Variants in CCDC178 observed in about 807,000 individuals in gnomAD.
CCDC178 encodes the protein coiled-coil domain-containing protein 178.
A neutral mutation model predicts 117.4 loss-of-function variants in CCDC178; 126 were observed. That is an observed-to-expected ratio of 1.07 (90% CI 0.93 to 1.24). The LOEUF is 1.24. Ranked by LOEUF, CCDC178 falls within the 50% of genes most tolerant of loss-of-function variation. The pLI is 0.00. For missense variants in CCDC178, 1,030 were observed against 986.9 expected (o/e 1.04, Z -0.59); for synonymous variants, 283 against 313.4 (o/e 0.90, Z 1.02).
intron 3 of CCDC178, among the ~76,000 whole-genome samples, chr18:33,409,687 T>G (rs929534284): frequency 6.6e-6 from 1 of 152,168 alleles, no homozygotes; most frequent in Non-Finnish European, 1.5e-5. Flanking sequence ...GAAATTTCAA[T>G]GCTTTTCTGG....
At chr18:33,008,178 G>C (rs774817404) in intron 21 of CCDC178, among the ~76,000 whole-genome samples, 9 of 152,088 alleles carry the variant, frequency 5.9e-5, no homozygotes, top group Admixed American at 2.0e-4. Context: ...TTAGTAACAG[G>C]ATTCAAGTTT....
At chr18:33,322,534 C>T (rs547223055) in intron 11 of CCDC178, among the ~76,000 whole-genome samples, 21 of 151,478 alleles carry the variant, frequency 1.4e-4, no homozygotes, top group Non-Finnish European at 2.2e-4. Flanking sequence ...ATTTTTCTCA[C>T]GGAAATACAA....
intron 20 of CCDC178, among the ~76,000 whole-genome samples, chr18:33,166,817 G>C (rs2058536972): frequency 6.6e-6 from 1 of 152,092 alleles, no homozygotes. Context: ...TACATGTGCA[G>C]GTTTGTTATA....
At chr18:33,391,064 T>C (rs571854253) in intron 4 of CCDC178, among the ~76,000 whole-genome samples, 3 of 151,282 alleles carry the variant, frequency 2.0e-5, no homozygotes, top group Non-Finnish European at 4.4e-5. Context: ...AAGATAGTGC[T>C]AATCAAATAG....
At chr18:33,347,721 T>C (rs1207020913) in intron 8 of CCDC178, among the ~76,000 whole-genome samples, 4 of 152,116 alleles carry the variant, frequency 2.6e-5, no homozygotes, top group Non-Finnish European at 5.9e-5. Flanking sequence ...TACTTCTGAT[T>C]GAATATATAT....
chr18:33,271,734 A>G (rs2059892906), intron 12 of CCDC178, among the ~76,000 whole-genome samples: 1 of 151,520 alleles, frequency 6.6e-6, no homozygotes, highest in Non-Finnish European at 1.5e-5. Context: ...ATTGGAATGA[A>G]ATTATAAATC....
At chr18:33,409,224 A>G (rs1017564988) in intron 3 of CCDC178, among the ~76,000 whole-genome samples, 3 of 152,030 alleles carry the variant, frequency 2.0e-5, no homozygotes, top group African/African-American at 7.3e-5. Flanking sequence ...AGCTGGGACT[A>G]CAGGCATATA....
At chr18:33,245,217 G>A (rs749590664) in intron 15 of CCDC178, 28 bp downstream of exon 15, 3 of 1,497,236 alleles carry the variant, frequency 2.0e-6, no homozygotes, top group South Asian at 2.9e-5. Flanking sequence ...TTTTCATCAT[G>A]AGTAAGAGGA....
chr18:33,053,869 G>A (rs1423773219), intron 21 of CCDC178, among the ~76,000 whole-genome samples: 1 of 152,044 alleles, frequency 6.6e-6, no homozygotes, highest in African/African-American at 2.4e-5. Flanking sequence ...TTGTATTTCT[G>A]TTGCTTTAGA....
intron 9 of CCDC178, among the ~76,000 whole-genome samples, chr18:33,343,122 T>C (rs1293318062): frequency 2.0e-5 from 3 of 152,092 alleles, no homozygotes; most frequent in Non-Finnish European, 4.4e-5. Context: ...TTTTTTTTCC[T>C]CTTTCATCAG....
chr18:33,245,942 A>G (rs181153074), intron 14 of CCDC178, among the ~76,000 whole-genome samples: 9 of 151,972 alleles, frequency 5.9e-5, no homozygotes, highest in African/African-American at 2.4e-5. Context: ...TGCCAGCAGC[A>G]CTGTCTCAGT....
intron 20 of CCDC178, among the ~76,000 whole-genome samples, chr18:33,105,612 G>A (rs2057695002): frequency 6.6e-6 from 1 of 151,602 alleles, no homozygotes; most frequent in South Asian, 2.1e-4. Flanking sequence ...TTTTTATTCA[G>A]TGGAGAAACA....
intron 6 of CCDC178, among the ~76,000 whole-genome samples, chr18:33,367,042 G>A (rs987464062): frequency 2.0e-5 from 3 of 151,840 alleles, no homozygotes; most frequent in African/African-American, 4.8e-5. Flanking sequence ...TGCACCCAGC[G>A]CACATTCATA....
In CCDC178 at chr18:33,241,141, A is replaced by G. The variant is rs2059482799; in HGVS notation, c.1593+4104T>C. On this transcript the variant is annotated intron_variant, in intron 15 of 22. Coordinates refer to ENST00000383096, the MANE Select transcript of CCDC178 (RefSeq NM_001105528.4). Reference sequence around the variant, plus strand: ...GCAGAAAAAGCATTTTATAAAATTCAACATCTCTTCATGATAAAACCTCAT... The same window carrying G: ...GCAGAAAAAGCATTTTATAAAATTCGACATCTCTTCATGATAAAACCTCAT... 2.0e-5 allele frequency among the ~76,000 whole-genome samples: 3 copies of G among 151,930 alleles called. No homozygotes were observed. In the South Asian group the frequency reaches 6.2e-4, roughly 31 times the overall value.
chr18:33,156,861 G>A (rs770377221), intron 20 of CCDC178, among the ~76,000 whole-genome samples: 4 of 152,092 alleles, frequency 2.6e-5, no homozygotes, highest in African/African-American at 4.8e-5. Context: ...TGCTCCTATA[G>A]CAATGCCTGG....
chr18:33,416,362 G>A (rs1298244372), intron 2 of CCDC178, among the ~76,000 whole-genome samples: 1 of 151,834 alleles, frequency 6.6e-6, no homozygotes, highest in Non-Finnish European at 1.5e-5. Context: ...AGACGGCGGA[G>A]CTTGCGGTGA....
chr18:33,396,002 T>C (rs1018752640), intron 4 of CCDC178, among the ~76,000 whole-genome samples: 4 of 151,912 alleles, frequency 2.6e-5, no homozygotes, highest in Admixed American at 2.6e-4. Flanking sequence ...GCAATATAAA[T>C]AGATTAAAAA....
intron 20 of CCDC178, among the ~76,000 whole-genome samples, chr18:33,127,558 C>G (rs530516850): frequency 1.2e-4 from 18 of 152,222 alleles, no homozygotes; most frequent in African/African-American, 3.6e-4. Flanking sequence ...GCCTCAGCCT[C>G]CTGAGTAGCT....
rs201204686 is a variant in CCDC178, at chr18:33,267,170, T to C, written c.1272+32A>G. The C allele has an allele frequency of 3.3e-5, 52 of 1,552,676 alleles. No homozygotes were observed. The East Asian group carries it at 1.1e-3, about 33-fold the overall frequency. On this transcript the variant is annotated intron_variant, in intron 13 of 22. Transcript: ENST00000383096. ...AATATTTGGAAATAGAAAATGGCGT[T>C]CTAAGTGGGAAGTAGGAAAAAATCA... is the stretch of plus-strand genomic sequence containing the variant.
Sources: allele counts gnomAD v4.1 joint callset (sites outside exome capture counted in the v4.1 genomes callset), GRCh38; gene constraint gnomAD v4.1.1; transcripts MANE v1.5; gene names NCBI Gene and HGNC (gene_info 2026-07-23, HGNC 2026-07-21).